SMARCA2: variants seen among roughly 807,000 people sequenced by gnomAD.
SMARCA2 encodes the protein SWI/SNF related BAF chromatin remodeling complex subunit ATPase 2.
SMARCA2 carries 61 observed loss-of-function variants against 199.8 expected under a neutral mutation model. That is an observed-to-expected ratio of 0.31 (90% CI 0.25 to 0.38). The LOEUF (loss-of-function observed/expected upper bound fraction) is 0.38. SMARCA2 is among the 10% of genes least tolerant of loss of function. The pLI, the probability that SMARCA2 is intolerant of heterozygous loss-of-function variation, is 1.00. For synonymous variants in SMARCA2, 935 were observed against 732.0 expected (o/e 1.28, Z -4.48); for missense variants, 1,344 against 2,012.2 (o/e 0.67, Z 6.35).
intron 23 of SMARCA2, among the ~76,000 whole-genome samples, chr9:2,108,338 C>T (rs952336203): frequency 6.4e-4 from 97 of 152,312 alleles, no homozygotes; most frequent in Admixed American, 2.3e-3. Flanking sequence ...AGACCTTCAG[C>T]TACTGCAGCC....
Position 2,097,599 on chromosome 9 carries a change from A to T in SMARCA2, c.3078+128A>T, listed in dbSNP as rs147883114. 543 of 598,928 alleles carry T rather than the reference A, an allele frequency of 9.1e-4. 7 individuals are homozygous for T. The highest frequency in any genetic ancestry group is 4.2e-3 in the South Asian group (187 of 44,186). 37.1% of individuals were successfully genotyped at this position (598,928 alleles called of 1,614,324 possible). ...AAACATGTTGGCGGAAGTTGAGATGACATGATCTGATAGCTCGACAAGCAG... is the reference window on the plus strand; with the variant it reads ...AAACATGTTGGCGGAAGTTGAGATGTCATGATCTGATAGCTCGACAAGCAG... On this transcript the variant is annotated intron_variant, in intron 21 of 33. Transcript: ENST00000349721.
At chr9:2,192,600 C>T in intron 33 of SMARCA2, 104 bp from the exon 34 acceptor site, 1 of 844,086 alleles carries the variant, frequency 1.2e-6, no homozygotes, top group South Asian at 1.3e-5. Flanking sequence ...GAGTTGTTTC[C>T]AAAATGTCAT....
intron 5 of SMARCA2, among the ~76,000 whole-genome samples, chr9:2,049,284 G>A (rs548381564): frequency 6.6e-6 from 1 of 152,162 alleles, no homozygotes; most frequent in South Asian, 2.1e-4. Flanking sequence ...AATTTTCATT[G>A]CAGGACTTTC....
chr9:2,167,202 G>A (rs1825976569), intron 28 of SMARCA2, among the ~76,000 whole-genome samples: 1 of 152,176 alleles, frequency 6.6e-6, no homozygotes, highest in African/African-American at 2.4e-5. Flanking sequence ...GTTTGCAACT[G>A]GACACTTGAA....
At chr9:2,031,841 T>A (rs993128897) in intron 2 of SMARCA2, among the ~76,000 whole-genome samples, 3 of 152,166 alleles carry the variant, frequency 2.0e-5, no homozygotes. Flanking sequence ...GCAGTTTTAT[T>A]TCTTCTCTTA....
In SMARCA2 at chr9:2,170,010, CT is replaced by C. The variant is rs955200513; in HGVS notation, c.4200-406del. ...ACTTTATCCTATTTAATTTTTATAACTTTCTGAGGTAAGTATTTCCCCCATT... is the reference window on the plus strand; with the variant it reads ...ACTTTATCCTATTTAATTTTTATAACTTCTGAGGTAAGTATTTCCCCCATT... On this transcript the variant is annotated intron_variant, in intron 28 of 33. Coordinates refer to ENST00000349721, the MANE Select transcript of SMARCA2 (RefSeq NM_003070.5). The surrounding 1 kb of genome is among the most constrained non-coding windows in gnomAD (Gnocchi z 4.7). Among the ~76,000 whole-genome samples, 7 of 152,244 alleles carry C rather than the reference CT, an allele frequency of 4.6e-5. No individual in the cohort carries two copies. Among genetic ancestry groups the C allele is most frequent in the African/African-American group, 1.7e-4 (7 of 41,550 alleles).
intron 23 of SMARCA2, among the ~76,000 whole-genome samples, chr9:2,107,780 G>T (rs1055831290): frequency 2.0e-5 from 3 of 152,064 alleles, no homozygotes; most frequent in African/African-American, 7.2e-5. Context: ...AGTAGGCATT[G>T]GTTGTATTTA....
At chr9:2,116,257 G>T (rs1489106919) in intron 25 of SMARCA2, among the ~76,000 whole-genome samples, 4 of 152,206 alleles carry the variant, frequency 2.6e-5, no homozygotes, top group Non-Finnish European at 5.9e-5. Context: ...GGAACCTCAA[G>T]GCTTGGCCTG....
intron 1 of SMARCA2, among the ~76,000 whole-genome samples, chr9:2,025,253 A>G (rs1818776391): frequency 6.6e-6 from 1 of 152,056 alleles, no homozygotes; most frequent in South Asian, 2.1e-4. Context: ...CTTGCCTAAG[A>G]ACATAGTGGT....
intron 19 of SMARCA2, among the ~76,000 whole-genome samples, chr9:2,095,055 C>T (rs1449666834): frequency 2.0e-5 from 3 of 151,550 alleles, no homozygotes; most frequent in Non-Finnish European, 2.9e-5. Flanking sequence ...TACCTTGATA[C>T]AATTATACCT....
At chr9:2,116,714 C>T (rs988699971) in intron 25 of SMARCA2, among the ~76,000 whole-genome samples, 2 of 152,098 alleles carry the variant, frequency 1.3e-5, no homozygotes, top group Admixed American at 1.3e-4. Flanking sequence ...AGATTGCCAA[C>T]GTTAGTAATT....
chr9:2,016,677 G>C lies in SMARCA2; in HGVS notation c.-37+1273G>C, dbSNP rs1006248606. Among the ~76,000 whole-genome samples, 1 of 151,746 alleles carries C rather than the reference G, an allele frequency of 6.6e-6. No homozygotes were observed. The highest frequency in any genetic ancestry group is 6.6e-5 in the Admixed American group (1 of 15,262). Reference sequence around the variant, plus strand: ...AAGGGCTGCGGTGGGGAGGGAATAGGGGGGTGGCGAGGGCGGGAGGCGGGG... The same window carrying C: ...AAGGGCTGCGGTGGGGAGGGAATAGCGGGGTGGCGAGGGCGGGAGGCGGGG... On this transcript the variant is annotated intron_variant, in intron 1 of 33. Coordinates refer to ENST00000349721, the MANE Select transcript of SMARCA2 (RefSeq NM_003070.5). This position sits in a 1 kb window ranked among gnomAD's most constrained non-coding sequence, Gnocchi z 5.6.
At chr9:2,034,529 G>C (rs995073034) in intron 3 of SMARCA2, among the ~76,000 whole-genome samples, 5 of 152,146 alleles carry the variant, frequency 3.3e-5, no homozygotes, top group African/African-American at 1.2e-4. Flanking sequence ...AGTTAATCTA[G>C]CACTAATTAA....
In SMARCA2 at chr9:2,170,370, A is replaced by G; in HGVS notation, c.4200-49A>G. Reference sequence around the variant, plus strand: ...CCTAGGAAGAAGGAGCCGGGCGGGGACGAGAACCCAGGTCTTCTGACTCTA... The same window carrying G: ...CCTAGGAAGAAGGAGCCGGGCGGGGGCGAGAACCCAGGTCTTCTGACTCTA... On this transcript the variant is annotated intron_variant, in intron 28 of 33. Coordinates refer to ENST00000349721, the MANE Select transcript of SMARCA2 (RefSeq NM_003070.5). This position sits in a 1 kb window ranked among gnomAD's most constrained non-coding sequence, Gnocchi z 4.7. 1 of 1,612,434 alleles carries G rather than the reference A, an allele frequency of 6.2e-7. No homozygotes were observed. Among genetic ancestry groups the G allele is most frequent in the African/African-American group, 1.3e-5 (1 of 74,964 alleles).
chr9:2,114,634 A>G (rs1475216139), intron 24 of SMARCA2, among the ~76,000 whole-genome samples: 1 of 152,228 alleles, frequency 6.6e-6, no homozygotes, highest in Non-Finnish European at 1.5e-5. Context: ...GCCACATGCC[A>G]AGAAGTTTTT....
rs145876273 is a variant in SMARCA2 at position 2,191,144 on chromosome 9, G to T, written c.4595-122G>T. The T allele has an allele frequency of 3.1e-4, 292 of 933,986 alleles. 5 individuals are homozygous for T. In the East Asian group the frequency reaches 6.9e-3, roughly 22 times the overall value. 57.9% of individuals were successfully genotyped at this position (933,986 alleles called of 1,614,324 possible). On this transcript the variant is annotated intron_variant, in intron 32 of 33. Coordinates refer to ENST00000349721, the MANE Select transcript of SMARCA2 (RefSeq NM_003070.5). ...GAACCACACAGAACAGGCATAAACC[G>T]GGAATGTTCTGGGCACTCTGGGATG... is the stretch of plus-strand genomic sequence containing the variant.
chr9:2,047,628 G>T (rs974552409), intron 5 of SMARCA2, 144 bp downstream of exon 5: 6 of 1,035,244 alleles, frequency 5.8e-6, no homozygotes, highest in Non-Finnish European at 7.4e-6. Flanking sequence ...CACTCCTGGG[G>T]CCTTCCCGGT....
chr9:2,156,580 C>T (rs961622988), intron 27 of SMARCA2, among the ~76,000 whole-genome samples: 8 of 151,736 alleles, frequency 5.3e-5, no homozygotes, highest in Admixed American at 2.0e-4. Flanking sequence ...ACAGGGCATG[C>T]GCCACCATGC....
intron 4 of SMARCA2, among the ~76,000 whole-genome samples, 191 bp from the exon 5 acceptor site, chr9:2,047,038 C>G (rs989011868): frequency 1.3e-5 from 2 of 149,768 alleles, no homozygotes; most frequent in African/African-American, 4.9e-5. Context: ...TACCCCGTTC[C>G]CTGTCTTGCC....
Sources: allele counts gnomAD v4.1 joint callset (sites outside exome capture counted in the v4.1 genomes callset), GRCh38; gene constraint gnomAD v4.1.1; non-coding constraint Gnocchi (gnomAD v3.1); transcripts MANE v1.5; gene names NCBI Gene and HGNC (gene_info 2026-07-23, HGNC 2026-07-21).